Variants in MED13L observed in about 807,000 individuals in gnomAD.
MED13L encodes mediator complex subunit 13L.
In MED13L, 7 loss-of-function variants were observed where a neutral mutation model predicts 220.9. The ratio of observed to expected loss-of-function variants is 0.03; its 90% CI spans 0.02 to 0.06. The LOEUF is 0.06. Ranked by LOEUF, MED13L falls within the 10% of genes least tolerant of loss-of-function variation. MED13L has a pLI of 1.00. For missense variants in MED13L, 1,965 were observed against 2,760.5 expected, an observed-to-expected ratio of 0.71 and a Z score of 6.46; for synonymous variants, 1,011 against 1,015.2, an observed-to-expected ratio of 1.00 and a Z score of 0.08.
intron 21 of MED13L, 119 bp downstream of exon 21, chr12:115,982,998 A>G: frequency 2.7e-6 from 3 of 1,118,442 alleles, no homozygotes; most frequent in Non-Finnish European, 3.9e-6. Context: ...TTTTGAGAAG[A>G]GAAATAGAGC....
At chr12:115,995,348 C>T (rs1339130225) in intron 16 of MED13L, among the ~76,000 whole-genome samples, 1 of 152,156 alleles carries the variant, frequency 6.6e-6, no homozygotes, top group African/African-American at 2.4e-5. Context: ...GAATTTGTGG[C>T]CTTTTCTATC....
rs151175413 is a variant in MED13L, at chr12:115,986,703, A to T, written c.4115-214T>A. Among the ~76,000 whole-genome samples, 363 of 152,338 alleles carry T rather than the reference A, an allele frequency of 2.4e-3. 2 individuals are homozygous for T. Among genetic ancestry groups the T allele is most frequent in the African/African-American group, 7.6e-3 (315 of 41,576 alleles). ...AGTCAGAATTTGTTTATAAAGGTTC[A>T]GTAAGATCAGAGGGCAGACTAGAAC... On this transcript the variant is annotated intron_variant, in intron 18 of 30. Coordinates refer to ENST00000281928, the MANE Select transcript of MED13L (RefSeq NM_015335.5).
intron 4 of MED13L, among the ~76,000 whole-genome samples, chr12:116,092,505 T>C (rs1227370565): frequency 6.6e-6 from 1 of 151,906 alleles, no homozygotes; most frequent in Non-Finnish European, 1.5e-5. Flanking sequence ...GAGGGGAGGA[T>C]GAAATAAGGA....
chr12:116,131,015 T>C (rs1446054645), intron 2 of MED13L, among the ~76,000 whole-genome samples: 1 of 152,196 alleles, frequency 6.6e-6, no homozygotes, highest in African/African-American at 2.4e-5. Context: ...CAGGTTAACA[T>C]AGAAAAATAC....
intron 4 of MED13L, among the ~76,000 whole-genome samples, chr12:116,041,963 G>C (rs573107419): frequency 4.6e-5 from 7 of 152,318 alleles, no homozygotes; most frequent in Admixed American, 2.0e-4. Flanking sequence ...CAACTCAGGA[G>C]AGAGATAAAA....
At chr12:115,964,062 G>A (rs975250016) in intron 29 of MED13L, among the ~76,000 whole-genome samples, 1 of 151,958 alleles carries the variant, frequency 6.6e-6, no homozygotes, top group African/African-American at 2.4e-5. Flanking sequence ...GCTCCAGCCT[G>A]GGCAACAGAG....
intron 3 of MED13L, among the ~76,000 whole-genome samples, chr12:116,104,830 A>G (rs944156932): frequency 6.6e-6 from 1 of 152,248 alleles, no homozygotes; most frequent in Non-Finnish European, 1.5e-5. Flanking sequence ...CATAATGCCA[A>G]TTTGACAGCA....
chr12:116,226,799 G>A (rs192576223), intron 2 of MED13L, among the ~76,000 whole-genome samples: 9 of 151,152 alleles, frequency 6.0e-5, no homozygotes, highest in East Asian at 5.9e-4. Flanking sequence ...AACTCCGGAC[G>A]TGGAGGTTGC....
At chr12:115,964,367 G>A (rs1875992147) in intron 29 of MED13L, among the ~76,000 whole-genome samples, 1 of 152,068 alleles carries the variant, frequency 6.6e-6, no homozygotes, top group Admixed American at 6.5e-5. Context: ...ATGATTAAAG[G>A]CATGAAATGT....
intron 2 of MED13L, among the ~76,000 whole-genome samples, chr12:116,185,546 T>C (rs1292731552): frequency 6.6e-6 from 1 of 152,188 alleles, no homozygotes; most frequent in Non-Finnish European, 1.5e-5. Flanking sequence ...TTCCTTAGCA[T>C]ACTACTCAAA....
intron 1 of MED13L, among the ~76,000 whole-genome samples, chr12:116,270,535 C>T (rs1873217251): frequency 6.6e-6 from 1 of 152,062 alleles, no homozygotes; most frequent in Non-Finnish European, 1.5e-5. Context: ...AGACAGAAAA[C>T]GCTGATGTAC....
chr12:116,076,713 T>C (rs1411606923), intron 4 of MED13L, among the ~76,000 whole-genome samples: 1 of 152,174 alleles, frequency 6.6e-6, no homozygotes, highest in African/African-American at 2.4e-5. Flanking sequence ...AGGCTTGTTT[T>C]TGAGGGTTTT....
intron 4 of MED13L, among the ~76,000 whole-genome samples, chr12:116,027,745 C>A (rs1157710321): frequency 6.6e-6 from 1 of 152,148 alleles, no homozygotes; most frequent in African/African-American, 2.4e-5. Flanking sequence ...ACTTGCTTAG[C>A]AAGCCATCAA....
At chr12:116,173,088 A>C (rs138824484) in intron 2 of MED13L, among the ~76,000 whole-genome samples, 438 of 151,764 alleles carry the variant, frequency 2.9e-3, no homozygotes, top group South Asian at 7.3e-3. Flanking sequence ...AGTGCATGGC[A>C]CACTAGAACA....
chr12:116,205,341 T>C (rs1882243856), intron 2 of MED13L, among the ~76,000 whole-genome samples: 1 of 151,804 alleles, frequency 6.6e-6, no homozygotes, highest in Admixed American at 6.6e-5. Flanking sequence ...ACGTTTTTCC[T>C]AGCTTTTTTA....
At position 116,008,486 on chromosome 12, in the gene MED13L, C is replaced by T; in HGVS notation, c.1927G>A (p.Asp643Asn). ...AGCTCTGGAGGCCTGAACTCAGCAT[C>T]ATCACTGGGTGGGAGACGATAACTA... is the stretch of plus-strand genomic sequence containing the variant. ...WHSYRLPPSD[D>N]AEFRPPELQG... is the part of the protein sequence containing the mutation. The change falls in exon 10 of 31, where the codon GAT (aspartate) becomes AAT (asparagine). Residue 643 changes from aspartate (D) to asparagine (N), a missense_variant. By Grantham distance (23) the Asp-to-Asn change is conservative (BLOSUM62 1). Around this residue, in one of 10 missense-constraint regions of MED13L, gnomAD observed 818 missense variants for 1,041.2 expected, o/e 0.79. Coordinates refer to ENST00000281928, the MANE Select transcript of MED13L (RefSeq NM_015335.5). 6.2e-7 allele frequency: 1 copy of T among 1,613,682 alleles called. No homozygotes were observed. Among genetic ancestry groups the T allele is most frequent in the Non-Finnish European group, 8.5e-7 (1 of 1,179,966 alleles).
chr12:116,082,951 C>A (rs1871330087), intron 4 of MED13L, among the ~76,000 whole-genome samples: 1 of 152,202 alleles, frequency 6.6e-6, no homozygotes, highest in African/African-American at 2.4e-5. Context: ...TAAAATGTTA[C>A]ACACTACTAT....
chr12:116,166,241 A>C (rs1205717548), intron 2 of MED13L, among the ~76,000 whole-genome samples: 1 of 152,054 alleles, frequency 6.6e-6, no homozygotes, highest in Non-Finnish European at 1.5e-5. Flanking sequence ...AGAGGGACAC[A>C]AAGTATTAAT....
At chr12:116,174,735 T>C (rs1227092981) in intron 2 of MED13L, 1 of 152,212 alleles carries the variant, frequency 6.6e-6, no homozygotes, top group Non-Finnish European at 1.5e-5. Flanking sequence ...TGTCAGTCTA[T>C]CATGTAAGAT....
Sources: gnomAD v4.1 joint callset for allele counts (sites outside exome capture counted in the v4.1 genomes callset) on GRCh38, gnomAD v4.1.1 for gene constraint, gnomAD v4.1.1 regional missense constraint, MANE v1.5 for transcripts, NCBI Gene and HGNC (gene_info 2026-07-23, HGNC 2026-07-21) for gene names.